MNAT1: variants seen among roughly 807,000 people sequenced by gnomAD.
The protein encoded by MNAT1 is MNAT1 component of CDK activating kinase, also known as CDK-activating kinase assembly factor MAT1.
Under a neutral mutation model 42.0 loss-of-function variants are expected in MNAT1, and 43 were observed. The ratio of observed to expected loss-of-function variants is 1.02; its 90% confidence interval spans 0.80 to 1.32. MNAT1 has a LOEUF of 1.32. Among genes scored for constraint, MNAT1 ranks in the 40% most tolerant of loss-of-function variants. The pLI is 0.00. For synonymous variants in MNAT1, 118 were observed against 120.0 expected (o/e 0.98, Z 0.11); for missense variants, 306 against 350.4 (o/e 0.87, Z 1.01).
intron 3 of MNAT1, among the ~76,000 whole-genome samples, chr14:60,807,449 G>T (rs1389604161): frequency 6.6e-6 from 1 of 152,140 alleles, no homozygotes; most frequent in Non-Finnish European, 1.5e-5. Flanking sequence ...GGGTGGAAGG[G>T]CTAATAATGG....
intron 7 of MNAT1, among the ~76,000 whole-genome samples, chr14:60,952,334 G>A (rs959344110): frequency 1.1e-4 from 17 of 152,154 alleles, no homozygotes; most frequent in African/African-American, 1.9e-4. Flanking sequence ...GTCTTTTTGC[G>A]TGAGAGTCAT....
At chr14:60,779,498 G>C (rs139736680) in intron 1 of MNAT1, among the ~76,000 whole-genome samples, 1 of 152,210 alleles carries the variant, frequency 6.6e-6, no homozygotes, top group East Asian at 1.9e-4. Flanking sequence ...TCCTTAAGAA[G>C]CTGTTTCCGG....
At chr14:60,918,752 ATATATT>A (rs1040725351) in intron 7 of MNAT1, among the ~76,000 whole-genome samples, 2 of 148,400 alleles carry the variant, frequency 1.3e-5, no homozygotes, top group Admixed American at 6.8e-5. Context: ...ATATATATAT[ATATATT>A]TTTGTCCTTA....
Position 60,761,728 on chromosome 14 carries a change from T to C in MNAT1, c.89+26777T>C, listed in dbSNP as rs539941591. The stretch of plus-strand genomic sequence containing the variant: ...TTCAACAAATATTTGGGTAAGACTA[T>C]GTGCCAAACATATTCATAGTTACAG... On this transcript the variant is annotated intron_variant, in intron 1 of 7. Coordinates refer to ENST00000261245, the MANE Select transcript of MNAT1 (RefSeq NM_002431.4). Among the ~76,000 whole-genome samples the C allele has an allele frequency of 4.6e-5, 7 of 152,356 alleles. No homozygotes were observed. The East Asian group carries it at 1.3e-3, about 29-fold the overall frequency.
chr14:60,735,114 C>T (rs182895996), intron 1 of MNAT1, among the ~76,000 whole-genome samples, 163 bp downstream of exon 1: 1 of 152,206 alleles, frequency 6.6e-6, no homozygotes, highest in Non-Finnish European at 1.5e-5. Context: ...TAGACTGTAG[C>T]CGCTAGCCCC....
Position 60,794,436 on chromosome 14 carries a change from A to C in MNAT1, c.90-1781A>C, listed in dbSNP as rs548891219. 3.3e-5 allele frequency among the ~76,000 whole-genome samples: 5 copies of C among 151,780 alleles called. No individual in the cohort carries two copies. The South Asian group carries it at 8.3e-4, about 25-fold the overall frequency. The stretch of plus-strand genomic sequence containing the variant: ...TCCCAGAACCTTGGGAGGTCAAGGC[A>C]GGAGGATCGCTTGAGCCCAGGAGTT... On this transcript the variant is annotated intron_variant, in intron 1 of 7. Coordinates refer to ENST00000261245, the MANE Select transcript of MNAT1 (RefSeq NM_002431.4).
chr14:60,820,434 A>G (rs1004572982), intron 6 of MNAT1, among the ~76,000 whole-genome samples: 2 of 151,558 alleles, frequency 1.3e-5, no homozygotes, highest in African/African-American at 4.8e-5. Context: ...AGCTGCTCCT[A>G]TTTTCTAGTT....
intron 3 of MNAT1, among the ~76,000 whole-genome samples, chr14:60,807,543 T>A (rs575609840): frequency 4.3e-4 from 66 of 152,182 alleles, no homozygotes; most frequent in Admixed American, 6.5e-4. Flanking sequence ...GATTCCTCCA[T>A]ATGAGTTTAT....
intron 7 of MNAT1, among the ~76,000 whole-genome samples, chr14:60,923,271 A>G (rs1329976236): frequency 2.6e-5 from 4 of 152,206 alleles, no homozygotes; most frequent in African/African-American, 9.6e-5. Context: ...CAGTAGGGCT[A>G]GAGTGAGACC....
chr14:60,873,552 T>G (rs908990806), intron 6 of MNAT1, among the ~76,000 whole-genome samples: 1 of 152,106 alleles, frequency 6.6e-6, no homozygotes, highest in African/African-American at 2.4e-5. Context: ...CACTGCAGCC[T>G]TGATCTCCTG....
chr14:60,967,735 G>A (rs1174597676), intron 7 of MNAT1, among the ~76,000 whole-genome samples: 4 of 151,978 alleles, frequency 2.6e-5, no homozygotes, highest in Admixed American at 2.6e-4. Context: ...ATATATTCTT[G>A]GAATATTAAA....
chr14:60,943,780 C>A (rs2139594140), intron 7 of MNAT1, among the ~76,000 whole-genome samples: 1 of 152,156 alleles, frequency 6.6e-6, no homozygotes, highest in South Asian at 2.1e-4. Context: ...CAGATTTATG[C>A]AAGGTATGGA....
At chr14:60,951,820 G>A (rs189440350) in intron 7 of MNAT1, among the ~76,000 whole-genome samples, 1 of 151,802 alleles carries the variant, frequency 6.6e-6, no homozygotes, top group Admixed American at 6.6e-5. Context: ...TTTCCTGTGG[G>A]TCTTGGATCG....
At chr14:60,887,169 AT>A (rs542891464) in intron 7 of MNAT1, among the ~76,000 whole-genome samples, 38 of 148,672 alleles carry the variant, frequency 2.6e-4, no homozygotes, top group East Asian at 4.0e-4. Context: ...ATTGATTTGC[AT>A]TTTTTTTGTT....
intron 6 of MNAT1, among the ~76,000 whole-genome samples, chr14:60,836,618 C>A (rs975273187): frequency 6.6e-6 from 1 of 152,176 alleles, no homozygotes; most frequent in African/African-American, 2.4e-5. Context: ...GAAGCTTCGT[C>A]CCAGAGGGGC....
At chr14:60,948,616 C>T (rs943466687) in intron 7 of MNAT1, among the ~76,000 whole-genome samples, 1 of 152,056 alleles carries the variant, frequency 6.6e-6, no homozygotes, top group Admixed American at 6.6e-5. Flanking sequence ...TTTCTGTACT[C>T]GCCTGACTTC....
chr14:60,858,781 C>A (rs147930941), intron 6 of MNAT1, among the ~76,000 whole-genome samples: 317 of 152,302 alleles, frequency 2.1e-3, no homozygotes, highest in Middle Eastern at 3.4e-3. Context: ...CAAAAAGATG[C>A]AATTTGCTGA....
At chr14:60,746,244 G>C (rs983062373) in intron 1 of MNAT1, among the ~76,000 whole-genome samples, 2 of 151,948 alleles carry the variant, frequency 1.3e-5, no homozygotes, top group East Asian at 1.9e-4. Flanking sequence ...GGCTGGGTGC[G>C]GTAGCTCACA....
At chr14:60,754,312 T>A (rs927000920) in intron 1 of MNAT1, among the ~76,000 whole-genome samples, 1 of 152,104 alleles carries the variant, frequency 6.6e-6, no homozygotes, top group African/African-American at 2.4e-5. Flanking sequence ...GGATTTTATT[T>A]TTTTTTTAAT....
Sources: allele counts gnomAD v4.1 joint callset (sites outside exome capture counted in the v4.1 genomes callset), GRCh38; gene constraint gnomAD v4.1.1; transcripts MANE v1.5; gene names NCBI Gene and HGNC (gene_info 2026-07-23, HGNC 2026-07-21).